Variants in SLC44A1 observed in about 807,000 individuals in gnomAD.
The protein encoded by SLC44A1 is solute carrier family 44 member 1.
SLC44A1 carries 26 observed loss-of-function variants against 79.3 expected under a neutral mutation model. That is an observed-to-expected ratio of 0.33 (90% CI 0.24 to 0.46). SLC44A1 has a LOEUF of 0.46. Among genes scored for constraint, SLC44A1 ranks in the 20% least tolerant of loss-of-function variants. The pLI is 1.00. For synonymous variants in SLC44A1, 263 were observed against 286.2 expected, an observed-to-expected ratio of 0.92 and a Z score of 0.82; for missense variants, 688 against 798.1, an observed-to-expected ratio of 0.86 and a Z score of 1.66.
At chr9:105,278,389 C>G (rs1255409806) in intron 1 of SLC44A1, among the ~76,000 whole-genome samples, 1 of 152,180 alleles carries the variant, frequency 6.6e-6, no homozygotes, top group Non-Finnish European at 1.5e-5. Flanking sequence ...GCTGGGACTA[C>G]GGGCGCCCGC....
At chr9:105,285,486 C>T (rs1054814098) in intron 1 of SLC44A1, among the ~76,000 whole-genome samples, 6 of 152,130 alleles carry the variant, frequency 3.9e-5, no homozygotes, top group African/African-American at 1.4e-4. Context: ...CTCACGCGTC[C>T]ATGTGAAGAG....
rs1588695178 is a variant in SLC44A1 at position 105,244,767 on chromosome 9, G to T, written c.-102G>T. 1 of 604,476 alleles carries T rather than the reference G, an allele frequency of 1.7e-6. No homozygotes were observed. The allele number at this position is 604,476 out of a possible 1,614,324, so 37.4% of individuals were successfully genotyped here. ...CGCCGCCGCCGCCTAGCCGTGCGGT[G>T]CCAGGCCGCGCCCTCCCCGGGCGCC... On this transcript the variant is annotated 5_prime_UTR_variant, in exon 1 of 16. Coordinates refer to ENST00000374720, the MANE Select transcript of SLC44A1 (RefSeq NM_080546.5).
At chr9:105,253,452 G>A (rs1245092743) in intron 1 of SLC44A1, among the ~76,000 whole-genome samples, 1 of 152,192 alleles carries the variant, frequency 6.6e-6, no homozygotes, top group Non-Finnish European at 1.5e-5. Context: ...AAAAGGCTGG[G>A]TTTGGTGGCT....
At chr9:105,251,626 G>A (rs1046656315) in intron 1 of SLC44A1, among the ~76,000 whole-genome samples, 4 of 152,202 alleles carry the variant, frequency 2.6e-5, no homozygotes, top group African/African-American at 9.7e-5. Context: ...TCACCTTGTG[G>A]TGTGCTTTTC....
At chr9:105,414,497 T>C (rs1305140704) in intron 15 of SLC44A1, among the ~76,000 whole-genome samples, 1 of 152,246 alleles carries the variant, frequency 6.6e-6, no homozygotes, top group Non-Finnish European at 1.5e-5. Flanking sequence ...TGTTGTAATT[T>C]ATTTGTAGCA....
At chr9:105,434,203 G>C (rs1484035983) in intron 15 of SLC44A1, among the ~76,000 whole-genome samples, 3 of 152,108 alleles carry the variant, frequency 2.0e-5, no homozygotes, top group Admixed American at 1.3e-4. Context: ...AGCTGGGCAT[G>C]GTCATGCATG....
chr9:105,340,644 T>C (rs967512765), intron 4 of SLC44A1, among the ~76,000 whole-genome samples: 2 of 152,222 alleles, frequency 1.3e-5, no homozygotes, highest in Non-Finnish European at 2.9e-5. Flanking sequence ...TGCAAGGCAA[T>C]ATAACATGTT....
chr9:105,436,123 A>G (rs1026309269), intron 15 of SLC44A1, among the ~76,000 whole-genome samples: 6 of 152,226 alleles, frequency 3.9e-5, no homozygotes, highest in Non-Finnish European at 8.8e-5. Context: ...GCTGGAACCC[A>G]GGCGGCAGAG....
intron 13 of SLC44A1, among the ~76,000 whole-genome samples, chr9:105,378,261 A>G (rs1412974766): frequency 6.6e-6 from 1 of 152,216 alleles, no homozygotes; most frequent in Non-Finnish European, 1.5e-5. Context: ...AAACAAAAAC[A>G]AAAGAAACCT....
chr9:105,330,224 A>G (rs1351947248), intron 3 of SLC44A1, among the ~76,000 whole-genome samples: 2 of 152,144 alleles, frequency 1.3e-5, no homozygotes, highest in African/African-American at 4.8e-5. Flanking sequence ...AGGGATCTCC[A>G]GGGATCCCAG....
Position 105,397,223 on chromosome 9 carries a change from C to G in SLC44A1, c.*8167C>G. On this transcript the variant is annotated 3_prime_UTR_variant, in exon 16 of 16. Coordinates refer to ENST00000374720, the MANE Select transcript of SLC44A1 (RefSeq NM_080546.5). ...GAAATACGAACTAGAAAGAAAAGTG[C>G]TGATCTAATGCTAAGTTTTCTCTGT... 4.1e-6 allele frequency: 4 copies of G among 985,338 alleles called. No homozygotes were observed. Among genetic ancestry groups the G allele is most frequent in the Non-Finnish European group, 4.8e-6 (4 of 829,870 alleles). The allele number at this position is 985,338 out of a possible 1,614,324, so 61.0% of individuals were successfully genotyped here.
intron 1 of SLC44A1, among the ~76,000 whole-genome samples, chr9:105,280,717 A>G (rs759113724): frequency 1.3e-5 from 2 of 152,252 alleles, no homozygotes; most frequent in African/African-American, 4.8e-5. Flanking sequence ...AAATTGGGTA[A>G]CAAACTGAGG....
At chr9:105,369,355 G>C (rs1377252858) in intron 12 of SLC44A1, among the ~76,000 whole-genome samples, 6 of 152,166 alleles carry the variant, frequency 3.9e-5, no homozygotes, top group Admixed American at 3.9e-4. Context: ...GTTCAGAGAT[G>C]GTGCTTTCTT....
At position 105,364,646 on chromosome 9, in the gene SLC44A1, T is replaced by C; in HGVS notation, c.1179T>C (p.Ile393=). The C allele has an allele frequency of 6.2e-7, 1 of 1,614,100 alleles. No individual in the cohort carries two copies. Among genetic ancestry groups the C allele is most frequent in the Non-Finnish European group, 8.5e-7 (1 of 1,180,000 alleles). ...GGTGGTACCATGTGGTGGGCCTGAT[T>C]TGGATCAGTGAATTTATTCTAGCAT... is the stretch of plus-strand genomic sequence containing the variant. ...YMWWYHVVGL[I]WISEFILACQ... Residue 393 remains isoleucine (I), a synonymous_variant, in exon 10 of 16, where the codon ATT becomes ATC. Coordinates refer to ENST00000374720, the MANE Select transcript of SLC44A1 (RefSeq NM_080546.5).
chr9:105,353,075 A>C (rs1418666549), intron 5 of SLC44A1, among the ~76,000 whole-genome samples: 1 of 152,122 alleles, frequency 6.6e-6, no homozygotes, highest in Non-Finnish European at 1.5e-5. Flanking sequence ...TATTTTTGTT[A>C]TTCATTACCA....
At chr9:105,427,909 T>C (rs1829343971) in intron 15 of SLC44A1, among the ~76,000 whole-genome samples, 1 of 152,212 alleles carries the variant, frequency 6.6e-6, no homozygotes, top group African/African-American at 2.4e-5. Flanking sequence ...TTTGTATTTT[T>C]TAGTAATTTA....
chr9:105,250,385 G>A (rs1829556340), intron 1 of SLC44A1, among the ~76,000 whole-genome samples: 1 of 152,036 alleles, frequency 6.6e-6, no homozygotes, highest in African/African-American at 2.4e-5. Flanking sequence ...TAACAGTACA[G>A]TCATTTAAAA....
At chr9:105,411,349 C>T (rs1028539187) in intron 15 of SLC44A1, among the ~76,000 whole-genome samples, 4 of 151,666 alleles carry the variant, frequency 2.6e-5, no homozygotes, top group African/African-American at 7.3e-5. Context: ...TTCTTCCCTT[C>T]TCCTTCCCCT....
Position 105,390,587 on chromosome 9 carries a change from C to T in SLC44A1, c.*1531C>T, listed in dbSNP as rs1218998741. On this transcript the variant is annotated 3_prime_UTR_variant, in exon 16 of 16. Coordinates refer to ENST00000374720, the MANE Select transcript of SLC44A1 (RefSeq NM_080546.5). ...ATGTCACTAGGGCTTAATAAGCAGC[C>T]GTTTGCTAATGTGCTTCCTTTCAAA... 3.0e-6 allele frequency: 3 copies of T among 985,630 alleles called. No individual in the cohort carries two copies. Among genetic ancestry groups the T allele is most frequent in the East Asian group, 1.1e-4 (1 of 8,820 alleles). The allele number at this position is 985,630 out of a possible 1,614,324, so 61.1% of individuals were successfully genotyped here. A position where few individuals can be genotyped will look rare whatever the true frequency, so the allele number is the denominator to read the frequency against.
Sources: allele counts gnomAD v4.1 joint callset (sites outside exome capture counted in the v4.1 genomes callset), GRCh38; gene constraint gnomAD v4.1.1; transcripts MANE v1.5; gene names NCBI Gene and HGNC (gene_info 2026-07-23, HGNC 2026-07-21).